ATP10D: variants seen among roughly 807,000 people sequenced by gnomAD.
ATP10D encodes phospholipid-transporting ATPase VD.
A neutral mutation model predicts 144.8 loss-of-function variants in ATP10D; 89 were observed. The ratio of observed to expected loss-of-function variants is 0.61; its 90% CI spans 0.52 to 0.73. The LOEUF is 0.73. Among genes scored for constraint, ATP10D ranks in the 30% least tolerant of loss-of-function variants. ATP10D has a pLI of 0.00. For synonymous variants in ATP10D, 571 were observed against 615.1 expected (o/e 0.93, Z 1.06); for missense variants, 1,603 against 1,714.8 (o/e 0.93, Z 1.15).
At chr4:47,536,592 AT>A in intron 8 of ATP10D, 28 bp downstream of exon 8, 1 of 1,608,944 alleles carries the variant, frequency 6.2e-7, no homozygotes, top group Non-Finnish European at 8.5e-7. Flanking sequence ...TTATGGTAGA[AT>A]TTTAACATCT....
In ATP10D at chr4:47,546,690, G is replaced by T; in HGVS notation, c.1463G>T (p.Gly488Val). 1 of 1,614,102 alleles carries T rather than the reference G, an allele frequency of 6.2e-7. No homozygotes were observed. ...EDEDFIDTVSGSLSNMAKPRA... is the reference protein window; with the variant it reads ...EDEDFIDTVSVSLSNMAKPRA... Reference sequence around the variant, plus strand: ...GAAGATTTTATAGACACAGTCAGTGGTTCCCTCAGCAATATGGCAAAACCG... The same window carrying T: ...GAAGATTTTATAGACACAGTCAGTGTTTCCCTCAGCAATATGGCAAAACCG... The change falls in exon 10 of 23, where the codon GGT becomes GTT. Residue 488 changes from glycine (G) to valine (V), a missense_variant. By Grantham distance (109) the Gly-to-Val change is moderately radical. Transcript: ENST00000273859.
intron 9 of ATP10D, among the ~76,000 whole-genome samples, chr4:47,544,502 A>T (rs1042120857): frequency 6.6e-6 from 1 of 152,246 alleles, no homozygotes; most frequent in Non-Finnish European, 1.5e-5. Context: ...GGAAGGTCAT[A>T]CTGGGAAACA....
In ATP10D at chr4:47,564,317, G is replaced by T. The variant is rs75176293; in HGVS notation, c.2853+552G>T. On this transcript the variant is annotated intron_variant, in intron 15 of 22. Transcript: ENST00000273859. ...TTCAGAGGAATCATTGCTGAATAAAGGCATTAGAAGAAAGTTTTTTTTTTT... is the reference window on the plus strand; with the variant it reads ...TTCAGAGGAATCATTGCTGAATAAATGCATTAGAAGAAAGTTTTTTTTTTT... 9.1e-3 allele frequency among the ~76,000 whole-genome samples: 1,387 copies of T among 151,948 alleles called. 20 individuals are homozygous for T. Among genetic ancestry groups the T allele is most frequent in the African/African-American group, 0.032 (1,315 of 41,344 alleles).
chr4:47,572,759 T>C, intron 17 of ATP10D, 113 bp from the exon 18 acceptor site: 1 of 1,347,400 alleles, frequency 7.4e-7, no homozygotes, highest in South Asian at 1.3e-5. Flanking sequence ...ATGGAACAAA[T>C]GCGGTCAGAA....
intron 9 of ATP10D, among the ~76,000 whole-genome samples, chr4:47,545,927 C>A (rs1310007398): frequency 6.6e-6 from 1 of 152,016 alleles, no homozygotes; most frequent in African/African-American, 2.4e-5. Context: ...AAGGAAGATG[C>A]AGGTAGAGAA....
chr4:47,498,617 CTT>C (rs1282247943), intron 1 of ATP10D, among the ~76,000 whole-genome samples: 4 of 152,198 alleles, frequency 2.6e-5, no homozygotes, highest in African/African-American at 7.2e-5. Context: ...CCCTTATTCT[CTT>C]AAGATGCATC....
chr4:47,572,080 C>T (rs1278965877), intron 16 of ATP10D, 74 bp from the exon 17 acceptor site: 3 of 1,300,648 alleles, frequency 2.3e-6, no homozygotes, highest in Non-Finnish European at 2.2e-6. Flanking sequence ...TTGAGCTGCC[C>T]CTATTGATTT....
At chr4:47,537,775 G>A (rs934029699) in intron 9 of ATP10D, among the ~76,000 whole-genome samples, 2 of 152,050 alleles carry the variant, frequency 1.3e-5, no homozygotes, top group African/African-American at 2.4e-5. Flanking sequence ...AGTTTGCTAT[G>A]CTTAATGGTG....
rs566378253 is a variant in ATP10D at position 47,522,872 on chromosome 4, T to A, written c.486-140T>A. The A allele has an allele frequency of 4.2e-3, 3,047 of 717,890 alleles. 49 individuals are homozygous for A. Among genetic ancestry groups the A allele is most frequent in the Admixed American group, 0.042 (1,429 of 34,068 alleles). 44.5% of individuals were successfully genotyped at this position (717,890 alleles called of 1,614,324 possible). A position where few individuals can be genotyped will look rare whatever the true frequency, so the allele number is the denominator to read the frequency against. ...GCGTGAGCCAACTTGCCTGGCCCCT[T>A]TGAGCATTTAATAGATTAAAATTTA... On this transcript the variant is annotated intron_variant, in intron 3 of 22. Coordinates refer to ENST00000273859, the MANE Select transcript of ATP10D (RefSeq NM_020453.4).
In ATP10D at chr4:47,572,988, T is replaced by C. The variant is rs1720044937; in HGVS notation, c.3357T>C (p.Tyr1119=). The stretch of plus-strand genomic sequence containing the variant: ...CCAACATGATTCTCTATTTTTTCTA[T>C]AAGAATGTGGTATGTAACCCCAGAG... ...RLSNMILYFF[Y]KNVAYVNLLF... The change falls in exon 18 of 23, where the codon TAT becomes TAC. Residue 1119 remains tyrosine (Y), a synonymous_variant. Coordinates refer to ENST00000273859, the MANE Select transcript of ATP10D (RefSeq NM_020453.4). 1 of 1,613,984 alleles carries C rather than the reference T, an allele frequency of 6.2e-7. No individual in the cohort carries two copies. The highest frequency in any genetic ancestry group is 1.3e-5 in the African/African-American group (1 of 74,918).
intron 16 of ATP10D, 133 bp downstream of exon 16, chr4:47,569,279 TC>T: frequency 9.8e-7 from 1 of 1,022,848 alleles, no homozygotes; most frequent in Non-Finnish European, 1.4e-6. Context: ...ATTCATGCCT[TC>T]CCATCACCTA....
chr4:47,545,980 G>C (rs1195697298), intron 9 of ATP10D, among the ~76,000 whole-genome samples: 1 of 152,136 alleles, frequency 6.6e-6, no homozygotes, highest in Non-Finnish European at 1.5e-5. Context: ...GGACTAAAAA[G>C]AAGAGACAGC....
At chr4:47,491,556 C>T (rs1715084234) in intron 1 of ATP10D, 2 of 411,040 alleles carry the variant, frequency 4.9e-6, no homozygotes, top group Non-Finnish European at 8.9e-6. Flanking sequence ...TCTCAGATAT[C>T]TTTGGCAATT....
chr4:47,491,007 A>G, intron 1 of ATP10D: 2 of 699,896 alleles, frequency 2.9e-6, no homozygotes, highest in South Asian at 2.8e-5. Flanking sequence ...CATAGGGAAG[A>G]GGTTCCAGCA....
intron 13 of ATP10D, 43 bp from the exon 14 acceptor site, chr4:47,560,906 T>C: frequency 1.2e-6 from 2 of 1,611,974 alleles, no homozygotes; most frequent in Non-Finnish European, 1.7e-6. Context: ...TCCCACAAGA[T>C]CATATGGCTT....
intron 1 of ATP10D, among the ~76,000 whole-genome samples, chr4:47,503,151 G>A (rs186355864): frequency 5.3e-5 from 8 of 152,266 alleles, no homozygotes; most frequent in East Asian, 1.9e-4. Context: ...GCAGTGAGCC[G>A]AGACCGGACC....
intron 16 of ATP10D, among the ~76,000 whole-genome samples, chr4:47,569,541 T>C (rs370753001): frequency 6.6e-6 from 1 of 152,304 alleles, no homozygotes; most frequent in East Asian, 1.9e-4. Context: ...ATCAAGTGCC[T>C]TTTTTGTACC....
intron 1 of ATP10D, among the ~76,000 whole-genome samples, chr4:47,486,453 C>G (rs1714761897): frequency 9.2e-5 from 14 of 152,244 alleles, no homozygotes; most frequent in Admixed American, 9.2e-4. Context: ...GATGCATCAA[C>G]AAGGACAGGG....
At chr4:47,584,577 T>C (rs1034811647) in intron 21 of ATP10D, among the ~76,000 whole-genome samples, 1 of 152,020 alleles carries the variant, frequency 6.6e-6, no homozygotes, top group Non-Finnish European at 1.5e-5. Flanking sequence ...TTTGTATTTT[T>C]AGTAGAGACA....
Sources: gnomAD v4.1 joint callset for allele counts (sites outside exome capture counted in the v4.1 genomes callset) on GRCh38, gnomAD v4.1.1 for gene constraint, MANE v1.5 for transcripts, NCBI Gene and HGNC (gene_info 2026-07-23, HGNC 2026-07-21) for gene names.